Variants in PTPRU observed in about 807,000 individuals in gnomAD.
The protein encoded by PTPRU is receptor-type tyrosine-protein phosphatase U.
PTPRU carries 69 observed loss-of-function variants against 166.3 expected under a neutral mutation model. The ratio of observed to expected loss-of-function variants is 0.41; its 90% confidence interval spans 0.34 to 0.51. The LOEUF (loss-of-function observed/expected upper bound fraction) is 0.51, where lower values mean the gene tolerates loss of function less well. Ranked by LOEUF, PTPRU falls within the 20% of genes least tolerant of loss-of-function variation. The pLI, the probability that PTPRU is intolerant of heterozygous loss-of-function variation, is 0.09. For synonymous variants in PTPRU, 793 were observed against 814.0 expected, an observed-to-expected ratio of 0.97 and a Z score of 0.44; for missense variants, 1,657 against 2,013.7, an observed-to-expected ratio of 0.82 and a Z score of 3.39.
chr1:29,243,769 C>T (rs1684160882), intron 1 of PTPRU, among the ~76,000 whole-genome samples: 1 of 152,192 alleles, frequency 6.6e-6, no homozygotes, highest in Admixed American at 6.5e-5. Context: ...GAGATGCCCA[C>T]TAAGTGGCTG....
At position 29,323,744 on chromosome 1, in the gene PTPRU, G is replaced by A. The variant is rs1226453964; in HGVS notation, c.4068G>A (p.Lys1356=). Residue 1356 remains lysine (K), a synonymous_variant, in exon 28 of 30, where the codon AAG becomes AAA. Transcript: ENST00000373779. ...AFLHLLAEVD[K]WQAESGDGRT... ...TGCACCTGCTGGCTGAGGTGGACAA[G>A]TGGCAGGCCGAGAGTGGGGATGGGC... The A allele has an allele frequency of 3.1e-5, 50 of 1,614,202 alleles. No individual in the cohort carries two copies. The highest frequency in any genetic ancestry group is 4.2e-5 in the Non-Finnish European group (49 of 1,179,998).
At chr1:29,250,752 C>G (rs1224836165) in intron 1 of PTPRU, among the ~76,000 whole-genome samples, 1 of 152,232 alleles carries the variant, frequency 6.6e-6, no homozygotes, top group African/African-American at 2.4e-5. Context: ...TCTAGCAGAG[C>G]TGGGACTTGG....
chr1:29,268,975 A>G (rs1470119737), intron 7 of PTPRU, among the ~76,000 whole-genome samples: 3 of 152,176 alleles, frequency 2.0e-5, no homozygotes, highest in East Asian at 3.9e-4. Flanking sequence ...CAGTGAGTCC[A>G]TGGCAGAGCT....
intron 7 of PTPRU, among the ~76,000 whole-genome samples, chr1:29,273,565 G>A: frequency 6.6e-6 from 1 of 152,064 alleles, no homozygotes; most frequent in East Asian, 1.9e-4. Context: ...CACCACGCCT[G>A]GCCAACTTTT....
At chr1:29,241,968 T>G (rs940495706) in intron 1 of PTPRU, among the ~76,000 whole-genome samples, 1 of 151,552 alleles carries the variant, frequency 6.6e-6, no homozygotes, top group African/African-American at 2.4e-5. Flanking sequence ...CTCGGCTCAC[T>G]GCAACCTTTG....
chr1:29,259,795 TGGGGCCC>T, intron 5 of PTPRU, 68 bp from the exon 6 acceptor site: 1 of 1,437,416 alleles, frequency 7.0e-7, no homozygotes, highest in South Asian at 1.4e-5. Context: ...GACGGCTAAA[TGGGGCCC>T]GGGTCAGAGC....
At chr1:29,266,030 T>C (rs1685288481) in intron 7 of PTPRU, among the ~76,000 whole-genome samples, 1 of 144,108 alleles carries the variant, frequency 6.9e-6, no homozygotes, top group African/African-American at 2.6e-5. Context: ...TTTTTTTTTT[T>C]TTTTTTTGAT....
chr1:29,325,529 G>A (rs1343203111), intron 29 of PTPRU, 70 bp from the exon 30 acceptor site: 3 of 1,538,876 alleles, frequency 1.9e-6, no homozygotes, highest in African/African-American at 1.4e-5. Context: ...CTCACTCCCC[G>A]TTCCCCTCCC....
chr1:29,296,679 G>GTTTTTTTTTTT (rs60675448), intron 15 of PTPRU, among the ~76,000 whole-genome samples: 1 of 135,772 alleles, frequency 7.4e-6, no homozygotes. Context: ...TTGCTACTTT[G>GTTTTTTTTTTT]TTTTTTTTTT....
intron 14 of PTPRU, among the ~76,000 whole-genome samples, chr1:29,289,939 G>A (rs1421920957): frequency 6.6e-6 from 1 of 152,168 alleles, no homozygotes; most frequent in African/African-American, 2.4e-5. Context: ...GCCCCTAAGA[G>A]GCATGGGTTC....
chr1:29,246,149 A>G (rs546576682), intron 1 of PTPRU, among the ~76,000 whole-genome samples: 1 of 152,352 alleles, frequency 6.6e-6, no homozygotes, highest in South Asian at 2.1e-4. Flanking sequence ...TTTGCCCCAT[A>G]TAGCACTTCT....
At chr1:29,290,641 CT>C (rs1263181416) in intron 14 of PTPRU, among the ~76,000 whole-genome samples, 1 of 152,252 alleles carries the variant, frequency 6.6e-6, no homozygotes, top group Non-Finnish European at 1.5e-5. Flanking sequence ...CTGACACGAG[CT>C]TTTCCAACAA....
chr1:29,255,375 T>G lies in PTPRU; in HGVS notation c.174T>G (p.Pro58=). The G allele has an allele frequency of 6.2e-7, 1 of 1,614,156 alleles. No homozygotes were observed. The highest frequency in any genetic ancestry group is 8.5e-7 in the Non-Finnish European group (1 of 1,180,018). Residue 58 remains proline, a synonymous_variant, in exon 2 of 30, where the codon CCT becomes CCG. Coordinates refer to ENST00000373779, the MANE Select transcript of PTPRU (RefSeq NM_133178.4). ...DFQWEQVRIH[P]GTRAPADLPH... Reference sequence around the variant, plus strand: ...AGTGGGAGCAAGTGCGAATCCACCCTGGCACCCGGGCACCTGCGGACCTGC... The same window carrying G: ...AGTGGGAGCAAGTGCGAATCCACCCGGGCACCCGGGCACCTGCGGACCTGC...
intron 15 of PTPRU, among the ~76,000 whole-genome samples, chr1:29,300,978 A>G (rs1347323808): frequency 6.6e-6 from 1 of 152,158 alleles, no homozygotes; most frequent in Non-Finnish European, 1.5e-5. Flanking sequence ...AAGGATGAGT[A>G]TGAGTTCATC....
At chr1:29,246,328 C>T (rs906929404) in intron 1 of PTPRU, among the ~76,000 whole-genome samples, 8 of 152,354 alleles carry the variant, frequency 5.3e-5, no homozygotes, top group Middle Eastern at 3.4e-3. Context: ...GTCAGCCCTA[C>T]GTGAACAACA....
chr1:29,310,693 A>G, intron 18 of PTPRU, 51 bp from the exon 19 acceptor site: 1 of 1,562,434 alleles, frequency 6.4e-7, no homozygotes, highest in Non-Finnish European at 8.8e-7. Context: ...GGTGTGGGGG[A>G]GTGAGGGGCT....
At chr1:29,273,751 A>C (rs1381534147) in intron 7 of PTPRU, among the ~76,000 whole-genome samples, 1 of 152,150 alleles carries the variant, frequency 6.6e-6, no homozygotes, top group African/African-American at 2.4e-5. Context: ...CCATAGAGTC[A>C]TCAAGAAACC....
chr1:29,276,189 C>T (rs185115433), intron 8 of PTPRU, among the ~76,000 whole-genome samples: 2 of 152,260 alleles, frequency 1.3e-5, no homozygotes, highest in African/African-American at 4.8e-5. Flanking sequence ...CAGAGTCTTG[C>T]TCTGTTGCCC....
At position 29,275,837 on chromosome 1, in the gene PTPRU, G is replaced by T. The variant is rs1685781690; in HGVS notation, c.1453+81G>T. ...TGTCTGAGACTGAAATTTACTGAGG[G>T]TATTTTTTTCTTTTTTTTGCTTAGG... On this transcript the variant is annotated intron_variant, in intron 8 of 29. Transcript: ENST00000373779. The T allele has an allele frequency of 3.4e-6, 5 of 1,465,750 alleles. No individual in the cohort carries two copies. In the South Asian group the frequency reaches 3.9e-5, roughly 11 times the overall value. 90.8% of individuals were successfully genotyped at this position (1,465,750 alleles called of 1,614,324 possible).
Sources: gnomAD v4.1 joint callset for allele counts (sites outside exome capture counted in the v4.1 genomes callset) on GRCh38, gnomAD v4.1.1 for gene constraint, MANE v1.5 for transcripts, NCBI Gene and HGNC (gene_info 2026-07-23, HGNC 2026-07-21) for gene names.